Variants in PDLIM5 observed in about 807,000 individuals in gnomAD.
The protein encoded by PDLIM5 is PDZ and LIM domain 5.
Under a neutral mutation model 64.2 loss-of-function variants are expected in PDLIM5, and 34 were observed. The ratio of observed to expected loss-of-function variants is 0.53; its 90% CI spans 0.40 to 0.71. PDLIM5 has a LOEUF of 0.71. PDLIM5 is among the 30% of genes least tolerant of loss of function. The pLI is 0.00. For missense variants in PDLIM5, 683 were observed against 733.6 expected, an observed-to-expected ratio of 0.93 and a Z score of 0.80; for synonymous variants, 253 against 269.1, an observed-to-expected ratio of 0.94 and a Z score of 0.59.
intron 3 of PDLIM5, among the ~76,000 whole-genome samples, chr4:94,525,575 T>TC (rs1730281629): frequency 6.6e-6 from 1 of 152,240 alleles, no homozygotes; most frequent in African/African-American, 2.4e-5. Flanking sequence ...GCTACTGCTG[T>TC]CCTAGGTGAT....
chr4:94,507,869 T>C (rs1003820080), intron 2 of PDLIM5, among the ~76,000 whole-genome samples: 1 of 152,284 alleles, frequency 6.6e-6, no homozygotes. Context: ...GCTGGAGAAA[T>C]ACTCTGCCAG....
intron 4 of PDLIM5, among the ~76,000 whole-genome samples, chr4:94,574,675 C>T (rs185194471): frequency 1.3e-5 from 2 of 152,154 alleles, no homozygotes; most frequent in Admixed American, 1.3e-4. Context: ...TATCCCGCCT[C>T]CTGGGATTTA....
intron 2 of PDLIM5, among the ~76,000 whole-genome samples, chr4:94,484,683 G>A (rs1314295050): frequency 6.6e-6 from 1 of 152,112 alleles, no homozygotes; most frequent in African/African-American, 2.4e-5. Context: ...ACCATGTAGG[G>A]GTTTGTGTTA....
intron 9 of PDLIM5, 25 bp from the exon 10 acceptor site, chr4:94,654,435 A>G: frequency 6.7e-7 from 1 of 1,497,362 alleles, no homozygotes; most frequent in Non-Finnish European, 9.3e-7. Flanking sequence ...TCTCAAACTT[A>G]GTTGGCCTCT....
intron 3 of PDLIM5, among the ~76,000 whole-genome samples, chr4:94,565,607 A>G (rs1734251435): frequency 6.6e-6 from 1 of 152,228 alleles, no homozygotes; most frequent in African/African-American, 2.4e-5. Context: ...GCTGGTTACT[A>G]TTTTAAATAG....
At chr4:94,560,426 T>C (rs1560703078) in intron 3 of PDLIM5, among the ~76,000 whole-genome samples, 1 of 152,222 alleles carries the variant, frequency 6.6e-6, no homozygotes, top group Non-Finnish European at 1.5e-5. Flanking sequence ...TCTCCCATTA[T>C]TATGGCAGCC....
intron 3 of PDLIM5, among the ~76,000 whole-genome samples, chr4:94,557,715 A>G (rs527587178): frequency 6.6e-4 from 101 of 152,050 alleles, no homozygotes; most frequent in Non-Finnish European, 1.3e-3. Flanking sequence ...TTTGTCTGTT[A>G]TTGGTGTATA....
chr4:94,534,758 T>A (rs1301484981), intron 3 of PDLIM5, among the ~76,000 whole-genome samples: 1 of 152,174 alleles, frequency 6.6e-6, no homozygotes, highest in Non-Finnish European at 1.5e-5. Flanking sequence ...ACTTCAAGAA[T>A]ATCATATTTG....
intron 9 of PDLIM5, among the ~76,000 whole-genome samples, chr4:94,650,479 A>G (rs1025961580): frequency 6.6e-6 from 1 of 152,172 alleles, no homozygotes; most frequent in Non-Finnish European, 1.5e-5. Flanking sequence ...CTATTGATAC[A>G]GTAATTTTCA....
chr4:94,544,560 A>G (rs535086897), intron 3 of PDLIM5, among the ~76,000 whole-genome samples: 2 of 152,336 alleles, frequency 1.3e-5, no homozygotes, highest in East Asian at 3.9e-4. Flanking sequence ...CATTATGACT[A>G]GGAGCTGCGC....
chr4:94,608,146 C>T, intron 7 of PDLIM5: 1 of 1,530,962 alleles, frequency 6.5e-7, no homozygotes, highest in Non-Finnish European at 8.8e-7. Context: ...GCCAAGTGGC[C>T]ACACTTTCTA....
intron 2 of PDLIM5, among the ~76,000 whole-genome samples, chr4:94,468,302 G>A (rs111474673): frequency 0.012 from 1,804 of 152,220 alleles, 41 homozygotes; most frequent in African/African-American, 0.041. Context: ...GCAGGTGTGC[G>A]CCACTGTGCC....
chr4:94,666,299 G>T lies in PDLIM5; in HGVS notation c.*2232G>T, dbSNP rs556277775. 3.2e-5 allele frequency: 11 copies of T among 344,412 alleles called. No homozygotes were observed. The highest frequency in any genetic ancestry group is 2.8e-4 in the Admixed American group (6 of 21,282). The allele number at this position is 344,412 out of a possible 1,614,324, so 21.3% of individuals were successfully genotyped here. Reference sequence around the variant, plus strand: ...AGATAATAATTAACTGGGGATAAAAGAATGGCAAGGGGTGACACAAAGTAG... The same window carrying T: ...AGATAATAATTAACTGGGGATAAAATAATGGCAAGGGGTGACACAAAGTAG... On this transcript the variant is annotated 3_prime_UTR_variant, in exon 13 of 13. Coordinates refer to ENST00000317968, the MANE Select transcript of PDLIM5 (RefSeq NM_006457.5).
intron 2 of PDLIM5, among the ~76,000 whole-genome samples, chr4:94,494,384 C>T (rs1462609654): frequency 1.4e-5 from 2 of 144,306 alleles, no homozygotes; most frequent in South Asian, 2.3e-4. Flanking sequence ...TCAGTTTCAA[C>T]ACCTAAATAC....
At position 94,664,105 on chromosome 4, in the gene PDLIM5, G is replaced by C. The variant is rs1742947627; in HGVS notation, c.*38G>C. ...CAGGAGAAGAGAAGGAATTTGAAGAGAAAAAGGAAAATTAAAATTACTAAT... is the reference window on the plus strand; with the variant it reads ...CAGGAGAAGAGAAGGAATTTGAAGACAAAAAGGAAAATTAAAATTACTAAT... On this transcript the variant is annotated 3_prime_UTR_variant, in exon 13 of 13. Coordinates refer to ENST00000317968, the MANE Select transcript of PDLIM5 (RefSeq NM_006457.5). 6.9e-7 allele frequency: 1 copy of C among 1,456,866 alleles called. No homozygotes were observed. The highest frequency in any genetic ancestry group is 9.2e-7 in the Non-Finnish European group (1 of 1,085,068). The allele number at this position is 1,456,866 out of a possible 1,614,324, so 90.2% of individuals were successfully genotyped here. A position where few individuals can be genotyped will look rare whatever the true frequency, so the allele number is the denominator to read the frequency against.
At chr4:94,458,024 C>T (rs11933735) in intron 2 of PDLIM5, among the ~76,000 whole-genome samples, 3,482 of 152,214 alleles carry the variant, frequency 0.023, 105 homozygotes, top group African/African-American at 0.072. Flanking sequence ...TTGGCTCAAT[C>T]GGGCTGCTAG....
chr4:94,467,460 C>G (rs1724473672), intron 2 of PDLIM5, among the ~76,000 whole-genome samples: 1 of 151,894 alleles, frequency 6.6e-6, no homozygotes, highest in African/African-American at 2.4e-5. Context: ...ATTACAGGCA[C>G]CCACCACCAT....
intron 8 of PDLIM5, among the ~76,000 whole-genome samples, chr4:94,624,215 G>A (rs1739483507): frequency 6.6e-6 from 1 of 152,064 alleles, no homozygotes; most frequent in African/African-American, 2.4e-5. Context: ...CTGCTCGGGA[G>A]GCTGAGATGG....
At chr4:94,550,097 G>A (rs1578355926) in intron 3 of PDLIM5, 1 of 151,950 alleles carries the variant, frequency 6.6e-6, no homozygotes, top group African/African-American at 2.4e-5. Context: ...AAATTATATA[G>A]TAATGTAATA....
Sources: gnomAD v4.1 joint callset for allele counts (sites outside exome capture counted in the v4.1 genomes callset) on GRCh38, gnomAD v4.1.1 for gene constraint, MANE v1.5 for transcripts, NCBI Gene and HGNC (gene_info 2026-07-23, HGNC 2026-07-21) for gene names.